The following DCC variants were observed in gnomAD, a reference collection of about 807,000 sequenced individuals.
DCC encodes the protein DCC netrin 1 receptor.
Under a neutral mutation model 172.5 loss-of-function variants are expected in DCC, and 58 were observed. The ratio of observed to expected loss-of-function variants is 0.34; its 90% CI spans 0.27 to 0.42. The LOEUF (loss-of-function observed/expected upper bound fraction) is 0.42. DCC is among the 10% of genes least tolerant of loss of function. The pLI is 1.00. For missense variants in DCC, 1,740 were observed against 1,791.0 expected, an observed-to-expected ratio of 0.97 and a Z score of 0.51; for synonymous variants, 709 against 644.5, an observed-to-expected ratio of 1.10 and a Z score of -1.52.
intron 7 of DCC, among the ~76,000 whole-genome samples, chr18:53,066,382 T>C (rs1246376506): frequency 3.1e-5 from 2 of 64,414 alleles, no homozygotes; most frequent in African/African-American, 1.3e-4. Context: ...TATATATATA[T>C]ATATATATAT....
chr18:52,643,057 A>G (rs2034941593), intron 1 of DCC, among the ~76,000 whole-genome samples: 1 of 152,160 alleles, frequency 6.6e-6, no homozygotes, highest in Admixed American at 6.5e-5. Flanking sequence ...AAACCTCTCA[A>G]ATTAGTGTGT....
At chr18:52,779,157 A>G (rs778796692) in intron 2 of DCC, among the ~76,000 whole-genome samples, 3 of 151,362 alleles carry the variant, frequency 2.0e-5, no homozygotes, top group Non-Finnish European at 4.4e-5. Flanking sequence ...GCATATCCAT[A>G]AATCTTTTTT....
At chr18:52,609,516 G>C (rs542494848) in intron 1 of DCC, among the ~76,000 whole-genome samples, 12 of 152,208 alleles carry the variant, frequency 7.9e-5, no homozygotes, top group African/African-American at 2.9e-4. Context: ...TTCTTCGTTG[G>C]ATGGAGCTGG....
At chr18:53,161,137 A>T (rs1026794299) in intron 8 of DCC, among the ~76,000 whole-genome samples, 10 of 152,200 alleles carry the variant, frequency 6.6e-5, no homozygotes, top group African/African-American at 2.4e-4. Context: ...TCTCTTTCAT[A>T]GGAATATTCC....
chr18:52,600,284 A>G (rs1255586636), intron 1 of DCC, among the ~76,000 whole-genome samples: 1 of 152,182 alleles, frequency 6.6e-6, no homozygotes, highest in Non-Finnish European at 1.5e-5. Context: ...TCACAATTCC[A>G]AAATCATGCT....
chr18:52,479,580 ACC>A (rs11294586), intron 1 of DCC, among the ~76,000 whole-genome samples: 2,629 of 116,880 alleles, frequency 0.022, 49 homozygotes, highest in African/African-American at 0.047. Flanking sequence ...ACCTCCCTCC[ACC>A]CCCCCCCCGT....
intron 2 of DCC, among the ~76,000 whole-genome samples, chr18:52,808,680 G>A (rs776231781): frequency 1.3e-5 from 2 of 152,164 alleles, no homozygotes; most frequent in Non-Finnish European, 2.9e-5. Context: ...GTGGCAGGCA[G>A]AAGTTTCCCT....
intron 1 of DCC, among the ~76,000 whole-genome samples, chr18:52,611,361 A>G (rs1421052772): frequency 6.6e-6 from 1 of 152,144 alleles, no homozygotes; most frequent in African/African-American, 2.4e-5. Flanking sequence ...ATAGGTACAA[A>G]TATATAGTTT....
rs934991271 is a variant in DCC, at chr18:53,339,829, G to A, written c.2281G>A (p.Gly761Ser). Residue 761 changes from glycine to serine, a missense_variant, in exon 15 of 29, where the codon GGT (glycine) becomes AGT (serine). Coordinates refer to ENST00000442544, the MANE Select transcript of DCC (RefSeq NM_005215.4). Reference protein sequence around the residue: ...PNIVVRGYIIGYGVGSPYAET... With the variant: ...PNIVVRGYIISYGVGSPYAET... The stretch of plus-strand genomic sequence containing the variant: ...CATCGTGGTGCGAGGTTATATTATC[G>A]GTTATGGCGTTGGGAGCCCTTACGC... 8 of 1,613,824 alleles carry A rather than the reference G, an allele frequency of 5.0e-6. No individual in the cohort carries two copies. The highest frequency in any genetic ancestry group is 5.9e-6 in the Non-Finnish European group (7 of 1,179,950).
At chr18:52,817,761 G>A (rs2038328249) in intron 2 of DCC, among the ~76,000 whole-genome samples, 4 of 151,726 alleles carry the variant, frequency 2.6e-5, no homozygotes, top group African/African-American at 9.7e-5. Flanking sequence ...ATTTTCTTTA[G>A]GAAAACTCCC....
intron 7 of DCC, among the ~76,000 whole-genome samples, chr18:53,076,878 G>A (rs887630294): frequency 6.6e-6 from 1 of 152,148 alleles, no homozygotes; most frequent in Non-Finnish European, 1.5e-5. Flanking sequence ...AGCTTCTGGT[G>A]AGTAGCAGAA....
intron 1 of DCC, among the ~76,000 whole-genome samples, chr18:52,375,429 G>C (rs1439470165): frequency 6.6e-6 from 1 of 152,068 alleles, no homozygotes; most frequent in Non-Finnish European, 1.5e-5. Flanking sequence ...GCTGGTACTG[G>C]TTTAGCTCTT....
chr18:52,684,977 G>A (rs2035806354), intron 1 of DCC, among the ~76,000 whole-genome samples: 2 of 152,072 alleles, frequency 1.3e-5, no homozygotes, highest in African/African-American at 2.4e-5. Context: ...AGGTAGATGT[G>A]TGCTTCCAAT....
intron 7 of DCC, among the ~76,000 whole-genome samples, chr18:53,081,614 A>G (rs2042805369): frequency 6.6e-6 from 1 of 152,082 alleles, no homozygotes. Context: ...TTAAACATTA[A>G]TTATTTAGCT....
intron 1 of DCC, among the ~76,000 whole-genome samples, chr18:52,719,130 T>A (rs958625620): frequency 6.6e-6 from 1 of 152,104 alleles, no homozygotes; most frequent in Non-Finnish European, 1.5e-5. Context: ...TGTCTGTGTG[T>A]CTCTGTGTCC....
chr18:53,369,972 T>C (rs1251715317), intron 15 of DCC, among the ~76,000 whole-genome samples: 1 of 151,820 alleles, frequency 6.6e-6, no homozygotes, highest in African/African-American at 2.4e-5. Context: ...GCTGGCCTCA[T>C]AGAATGAGTT....
chr18:53,502,535 AGC>A (rs1159647703), intron 27 of DCC, among the ~76,000 whole-genome samples: 7 of 152,220 alleles, frequency 4.6e-5, no homozygotes, highest in Admixed American at 4.6e-4. Context: ...AAATACTTAG[AGC>A]TTTCAACAAG....
intron 22 of DCC, among the ~76,000 whole-genome samples, chr18:53,438,069 G>T (rs1156752198): frequency 6.6e-6 from 1 of 152,194 alleles, no homozygotes; most frequent in African/African-American, 2.4e-5. Flanking sequence ...TCTGACTTTG[G>T]AGTTCATGCA....
chr18:53,315,490 G>T (rs183013107), intron 13 of DCC, among the ~76,000 whole-genome samples: 16 of 152,234 alleles, frequency 1.1e-4, no homozygotes, highest in African/African-American at 3.9e-4. Context: ...TAATGGGATC[G>T]CTGGGTCAAT....
Sources: allele counts gnomAD v4.1 joint callset (sites outside exome capture counted in the v4.1 genomes callset), GRCh38; gene constraint gnomAD v4.1.1; transcripts MANE v1.5; gene names NCBI Gene and HGNC (gene_info 2026-07-23, HGNC 2026-07-21).